RABGAP1L: variants seen among roughly 807,000 people sequenced by gnomAD.
The protein encoded by RABGAP1L is RAB GTPase activating protein 1 like, also known as rab GTPase-activating protein 1-like.
In RABGAP1L, 63 loss-of-function variants were observed where a neutral mutation model predicts 137.7. The ratio of observed to expected loss-of-function variants is 0.46; its 90% confidence interval spans 0.37 to 0.56. The LOEUF is 0.56. RABGAP1L is among the 20% of genes least tolerant of loss of function. The pLI is 0.00. For synonymous variants in RABGAP1L, 431 were observed against 433.7 expected (o/e 0.99, Z 0.08); for missense variants, 1,095 against 1,244.0 (o/e 0.88, Z 1.80).
intron 18 of RABGAP1L, among the ~76,000 whole-genome samples, chr1:174,806,256 A>G (rs937081066): frequency 2.6e-5 from 4 of 152,186 alleles, no homozygotes; most frequent in African/African-American, 2.4e-5. Context: ...TATTCATACA[A>G]TTATAAACTC....
chr1:174,749,239 A>C (rs1227493749), intron 17 of RABGAP1L, among the ~76,000 whole-genome samples: 1 of 151,772 alleles, frequency 6.6e-6, no homozygotes, highest in African/African-American at 2.4e-5. Context: ...GCATACATTC[A>C]TTCAGTGCAG....
intron 19 of RABGAP1L, among the ~76,000 whole-genome samples, chr1:174,953,502 C>G (rs1209474057): frequency 6.6e-6 from 1 of 152,206 alleles, no homozygotes; most frequent in Non-Finnish European, 1.5e-5. Flanking sequence ...CTTTGTATTT[C>G]CTGATAACAG....
chr1:174,409,001 A>G (rs1649598004), intron 13 of RABGAP1L, among the ~76,000 whole-genome samples: 1 of 152,010 alleles, frequency 6.6e-6, no homozygotes, highest in Non-Finnish European at 1.5e-5. Context: ...ATGTTCTCCT[A>G]TTCTGTAGGT....
chr1:174,297,228 T>C, intron 10 of RABGAP1L, among the ~76,000 whole-genome samples: 1 of 152,062 alleles, frequency 6.6e-6, no homozygotes, highest in Non-Finnish European at 1.5e-5. Flanking sequence ...CATGACATAG[T>C]GTTGCAGGTT....
intron 13 of RABGAP1L, among the ~76,000 whole-genome samples, chr1:174,583,995 G>GT (rs1219996626): frequency 6.6e-6 from 1 of 152,056 alleles, no homozygotes; most frequent in Admixed American, 6.6e-5. Context: ...TAAAACCCGA[G>GT]TTTTTTTCAC....
chr1:174,448,085 C>T lies in RABGAP1L; in HGVS notation c.1710+53940C>T, dbSNP rs1294978600. ...GGGCATCTGCTTGCTGTAGCCAAGT[C>T]TGCAGGTGTCTTTAAATTTCCAAGC... On this transcript the variant is annotated intron_variant, in intron 13 of 25. Transcript: ENST00000681986. The surrounding 1 kb of genome is among the most constrained non-coding windows in gnomAD (Gnocchi z 4.2). The T allele has an allele frequency of 1.3e-6, 2 of 1,588,920 alleles. No individual in the cohort carries two copies. Among genetic ancestry groups the T allele is most frequent in the Admixed American group, 3.4e-5 (2 of 58,714 alleles).
chr1:174,581,167 T>C (rs1668719325), intron 13 of RABGAP1L, among the ~76,000 whole-genome samples: 1 of 152,192 alleles, frequency 6.6e-6, no homozygotes, highest in African/African-American at 2.4e-5. Flanking sequence ...ATTCTATTTA[T>C]AGGTAAATAG....
chr1:174,533,337 A>G (rs866019913), intron 13 of RABGAP1L, among the ~76,000 whole-genome samples: 2 of 152,162 alleles, frequency 1.3e-5, no homozygotes, highest in African/African-American at 2.4e-5. Context: ...TTTAAAGTTC[A>G]TACTTGTCAT....
intron 11 of RABGAP1L, among the ~76,000 whole-genome samples, chr1:174,347,534 C>A (rs1004528101): frequency 6.6e-6 from 1 of 150,472 alleles, no homozygotes; most frequent in Non-Finnish European, 1.5e-5. Context: ...GCTCTGTCAC[C>A]CAGACTGGAG....
chr1:174,641,106 A>G (rs1264146037), intron 14 of RABGAP1L, among the ~76,000 whole-genome samples: 3 of 151,630 alleles, frequency 2.0e-5, no homozygotes, highest in South Asian at 2.1e-4. Context: ...TACACTGGAG[A>G]TATAATATGC....
At chr1:174,201,758 G>C (rs1668122411) in intron 1 of RABGAP1L, among the ~76,000 whole-genome samples, 1 of 148,800 alleles carries the variant, frequency 6.7e-6, no homozygotes, top group South Asian at 2.1e-4. Context: ...CCATTAACTC[G>C]TCATTTAGCA....
chr1:174,232,185 T>C (rs1313096137), intron 4 of RABGAP1L, among the ~76,000 whole-genome samples: 5 of 152,144 alleles, frequency 3.3e-5, no homozygotes, highest in African/African-American at 1.2e-4. Flanking sequence ...GAATAATACA[T>C]TACCTCAGCT....
chr1:174,291,655 CTTA>C (rs1294228181), intron 10 of RABGAP1L, among the ~76,000 whole-genome samples: 6 of 152,000 alleles, frequency 3.9e-5, no homozygotes, highest in South Asian at 2.1e-4. Flanking sequence ...ATTTATTCCA[CTTA>C]TTATTTTTTA....
intron 11 of RABGAP1L, among the ~76,000 whole-genome samples, chr1:174,370,512 CT>C (rs372406044): frequency 2.4e-3 from 121 of 50,332 alleles, no homozygotes; most frequent in African/African-American, 3.4e-3. Flanking sequence ...AGAAACCTAA[CT>C]TTTTTTTTTT....
chr1:174,630,712 T>A (rs1383063803), intron 13 of RABGAP1L, among the ~76,000 whole-genome samples: 2 of 140,598 alleles, frequency 1.4e-5, no homozygotes, highest in African/African-American at 5.5e-5. Context: ...GATGGTAGTT[T>A]GTATTTCTGT....
intron 19 of RABGAP1L, among the ~76,000 whole-genome samples, chr1:174,868,351 A>G (rs1368523697): frequency 2.0e-5 from 3 of 152,174 alleles, no homozygotes; most frequent in African/African-American, 4.8e-5. Context: ...ACTAAAAGAG[A>G]TAATGAAATT....
chr1:174,580,000 A>T (rs911148777), intron 13 of RABGAP1L, among the ~76,000 whole-genome samples: 23 of 152,206 alleles, frequency 1.5e-4, no homozygotes, highest in African/African-American at 5.5e-4. Flanking sequence ...ACCTCAGGTG[A>T]TCTGCCTTGC....
chr1:174,662,388 G>T (rs1466851336), intron 14 of RABGAP1L, among the ~76,000 whole-genome samples: 1 of 151,640 alleles, frequency 6.6e-6, no homozygotes, highest in African/African-American at 2.4e-5. Context: ...ACAGGCGTGA[G>T]CCACCGCGCC....
rs570603262 is a variant in RABGAP1L at position 174,602,437 on chromosome 1, G to A, written c.1711-34938G>A. Among the ~76,000 whole-genome samples, 6 of 152,252 alleles carry A rather than the reference G, an allele frequency of 3.9e-5. No homozygotes were observed. The South Asian group carries it at 6.2e-4, about 16-fold the overall frequency. On this transcript the variant is annotated intron_variant, in intron 13 of 25. Transcript: ENST00000681986. ...GAGACTTATTCACTCTGCAAGAATAGCAGAGGAAAGACCACACCCCCATGA... is the reference window on the plus strand; with the variant it reads ...GAGACTTATTCACTCTGCAAGAATAACAGAGGAAAGACCACACCCCCATGA...
Sources: allele counts gnomAD v4.1 joint callset (sites outside exome capture counted in the v4.1 genomes callset), GRCh38; gene constraint gnomAD v4.1.1; non-coding constraint Gnocchi (gnomAD v3.1); transcripts MANE v1.5; gene names NCBI Gene and HGNC (gene_info 2026-07-23, HGNC 2026-07-21).